The following GPC5 variants were observed in gnomAD, a reference collection of about 807,000 sequenced individuals.
GPC5 encodes glypican 5, also known as glypican-5.
GPC5 carries 47 observed loss-of-function variants against 53.9 expected under a neutral mutation model. That is an observed-to-expected ratio of 0.87 (90% CI 0.69 to 1.11). The LOEUF is 1.11. Among genes scored for constraint, GPC5 ranks in the 50% most tolerant of loss-of-function variants. GPC5 has a pLI of 0.00. For synonymous variants in GPC5, 286 were observed against 263.3 expected (o/e 1.09, Z -0.84); for missense variants, 748 against 713.1 (o/e 1.05, Z -0.56).
At chr13:92,071,828 A>G (rs1259745351) in intron 6 of GPC5, among the ~76,000 whole-genome samples, 3 of 147,822 alleles carry the variant, frequency 2.0e-5, no homozygotes, top group Non-Finnish European at 4.5e-5. Flanking sequence ...GAAATAATAT[A>G]TTTTATTCAT....
At chr13:92,469,750 A>G (rs1417650090) in intron 7 of GPC5, among the ~76,000 whole-genome samples, 7 of 152,112 alleles carry the variant, frequency 4.6e-5, no homozygotes, top group Non-Finnish European at 1.0e-4. Context: ...GACTTTCATT[A>G]TGGTAAACAG....
rs564035001 is a variant in GPC5 at position 92,554,579 on chromosome 13, A to G, written c.1562-311703A>G. On this transcript the variant is annotated intron_variant, in intron 7 of 7. Transcript: ENST00000377067. ...TTAATGAAACAAAAATTCATCCCCA[A>G]AACTATTTACTTGAAAAAAACTAAC... 5.3e-4 allele frequency among the ~76,000 whole-genome samples: 81 copies of G among 151,612 alleles called. 1 individual carries two copies. The South Asian group carries it at 9.5e-3, about 18-fold the overall frequency.
chr13:92,166,921 G>GTCTCTCTC (rs35310453), intron 7 of GPC5, among the ~76,000 whole-genome samples: 7 of 128,422 alleles, frequency 5.5e-5, no homozygotes, highest in African/African-American at 1.8e-4. Context: ...ATAAGTCTCA[G>GTCTCTCTC]TCTCTCTCTC....
chr13:91,552,474 C>T (rs943167123), intron 2 of GPC5, among the ~76,000 whole-genome samples: 2 of 151,998 alleles, frequency 1.3e-5, no homozygotes, highest in Non-Finnish European at 2.9e-5. Context: ...TCACAGCCTT[C>T]AGAGCTGAGA....
At chr13:91,527,927 A>G (rs562361883) in intron 2 of GPC5, among the ~76,000 whole-genome samples, 2 of 152,246 alleles carry the variant, frequency 1.3e-5, no homozygotes, top group South Asian at 2.1e-4. Flanking sequence ...GCAGGGCACC[A>G]TGTCCCAAGG....
At chr13:92,513,876 C>G (rs1354417969) in intron 7 of GPC5, among the ~76,000 whole-genome samples, 1 of 152,140 alleles carries the variant, frequency 6.6e-6, no homozygotes, top group South Asian at 2.1e-4. Flanking sequence ...TGACTCATCA[C>G]ATGAAGTCAG....
At chr13:92,180,054 C>G (rs2139034165) in intron 7 of GPC5, among the ~76,000 whole-genome samples, 1 of 152,260 alleles carries the variant, frequency 6.6e-6, no homozygotes, top group African/African-American at 2.4e-5. Context: ...GTGGAATAAA[C>G]TACTATAACA....
intron 7 of GPC5, among the ~76,000 whole-genome samples, chr13:92,675,481 T>C (rs1933184): frequency 0.22 from 33,590 of 152,030 alleles, 4,379 homozygotes; most frequent in South Asian, 0.36. Flanking sequence ...TATGATATCA[T>C]GATACAAAGG....
intron 1 of GPC5, among the ~76,000 whole-genome samples, chr13:91,431,245 A>C (rs1879424230): frequency 6.6e-6 from 1 of 152,124 alleles, no homozygotes; most frequent in South Asian, 2.1e-4. Context: ...GAGATGGGAC[A>C]GTTTTGAGTG....
intron 6 of GPC5, among the ~76,000 whole-genome samples, chr13:91,992,337 G>A (rs965774410): frequency 6.6e-6 from 1 of 151,772 alleles, no homozygotes; most frequent in Non-Finnish European, 1.5e-5. Flanking sequence ...TGGGTCTAAG[G>A]GTTATAGTTA....
intron 7 of GPC5, among the ~76,000 whole-genome samples, chr13:92,347,228 T>G (rs2043420751): frequency 6.6e-6 from 1 of 152,036 alleles, no homozygotes; most frequent in East Asian, 1.9e-4. Flanking sequence ...CTGAAAGAGG[T>G]GTTAATCAAG....
At chr13:92,636,670 C>T (rs1186382595) in intron 7 of GPC5, among the ~76,000 whole-genome samples, 1 of 152,052 alleles carries the variant, frequency 6.6e-6, no homozygotes, top group Non-Finnish European at 1.5e-5. Context: ...TTATATATTG[C>T]TTCATATCTC....
chr13:92,652,502 T>G (rs1049402674), intron 7 of GPC5, among the ~76,000 whole-genome samples: 1 of 152,160 alleles, frequency 6.6e-6, no homozygotes, highest in Non-Finnish European at 1.5e-5. Context: ...GCAGGCTGTC[T>G]TCTGCCTTTA....
At chr13:91,681,022 T>C (rs548665212) in intron 2 of GPC5, among the ~76,000 whole-genome samples, 2 of 152,238 alleles carry the variant, frequency 1.3e-5, no homozygotes, top group East Asian at 3.9e-4. Context: ...ATACGAATAA[T>C]ATGTATTTCT....
intron 7 of GPC5, among the ~76,000 whole-genome samples, chr13:92,682,741 T>C (rs1377029501): frequency 1.3e-5 from 2 of 152,320 alleles, no homozygotes; most frequent in African/African-American, 2.4e-5. Context: ...GTTGTATACA[T>C]TGTACCTACA....
intron 7 of GPC5, among the ~76,000 whole-genome samples, chr13:92,509,072 G>A (rs1348460455): frequency 1.3e-5 from 2 of 152,120 alleles, no homozygotes; most frequent in African/African-American, 4.8e-5. Flanking sequence ...ATATATGCCA[G>A]ATAGTAACAA....
intron 3 of GPC5, 131 bp downstream of exon 3, chr13:91,694,012 A>G: frequency 1.3e-6 from 1 of 748,578 alleles, no homozygotes; most frequent in Non-Finnish European, 2.1e-6. Flanking sequence ...TTTATATCTT[A>G]TGATAAAATT....
intron 7 of GPC5, among the ~76,000 whole-genome samples, chr13:92,791,424 T>TGGGGG (rs60469699): frequency 4.5e-5 from 3 of 66,364 alleles, no homozygotes; most frequent in South Asian, 8.8e-4. Context: ...TGTGAGTGTG[T>TGGGGG]GGGGGGGGGC....
intron 5 of GPC5, among the ~76,000 whole-genome samples, chr13:91,896,237 A>C (rs1245468325): frequency 6.7e-6 from 1 of 150,324 alleles, no homozygotes; most frequent in Non-Finnish European, 1.5e-5. Context: ...CTCCTGCCTC[A>C]GGCTCCTGAG....
Sources: gnomAD v4.1 joint callset for allele counts (sites outside exome capture counted in the v4.1 genomes callset) on GRCh38, gnomAD v4.1.1 for gene constraint, MANE v1.5 for transcripts, NCBI Gene and HGNC (gene_info 2026-07-23, HGNC 2026-07-21) for gene names.